Variants in CNTNAP2 observed in about 807,000 individuals in gnomAD.
CNTNAP2 encodes the protein contactin-associated protein-like 2.
A neutral mutation model predicts 155.2 loss-of-function variants in CNTNAP2; 98 were observed. The ratio of observed to expected loss-of-function variants is 0.63; its 90% CI spans 0.54 to 0.75. The LOEUF (loss-of-function observed/expected upper bound fraction) is 0.75, where lower values mean the gene tolerates loss of function less well. Ranked by LOEUF, CNTNAP2 falls within the 30% of genes least tolerant of loss-of-function variation. The pLI, the probability that CNTNAP2 is intolerant of heterozygous loss-of-function variation, is 0.00. For missense variants in CNTNAP2, 1,727 were observed against 1,688.1 expected, an observed-to-expected ratio of 1.02 and a Z score of -0.40; for synonymous variants, 651 against 631.2, an observed-to-expected ratio of 1.03 and a Z score of -0.47.
intron 13 of CNTNAP2, among the ~76,000 whole-genome samples, chr7:147,674,453 A>G (rs1584892928): frequency 6.6e-6 from 1 of 152,292 alleles, no homozygotes; most frequent in East Asian, 1.9e-4. Context: ...AGGCAATGAA[A>G]AGACATATTA....
At chr7:146,810,637 A>T (rs1202832233) in intron 2 of CNTNAP2, among the ~76,000 whole-genome samples, 1 of 151,354 alleles carries the variant, frequency 6.6e-6, no homozygotes, top group East Asian at 1.9e-4. Flanking sequence ...TTTTTTTTTT[A>T]AACCCAACTG....
intron 3 of CNTNAP2, among the ~76,000 whole-genome samples, chr7:146,997,006 T>G (rs562618160): frequency 1.2e-4 from 18 of 152,060 alleles, no homozygotes; most frequent in Non-Finnish European, 2.2e-4. Flanking sequence ...AAGTGACTTT[T>G]ACCTTCCACC....
chr7:148,311,076 T>G (rs1319266490), intron 21 of CNTNAP2, among the ~76,000 whole-genome samples: 1 of 152,080 alleles, frequency 6.6e-6, no homozygotes, highest in Admixed American at 6.5e-5. Flanking sequence ...TAGTTTGTGT[T>G]GTGAGAGGTC....
chr7:147,067,157 G>A (rs1271852086), intron 4 of CNTNAP2, among the ~76,000 whole-genome samples: 1 of 152,086 alleles, frequency 6.6e-6, no homozygotes, highest in Non-Finnish European at 1.5e-5. Context: ...CGGGCATGGT[G>A]GCACACACCT....
intron 1 of CNTNAP2, among the ~76,000 whole-genome samples, chr7:146,340,116 C>T (rs1295102153): frequency 1.1e-4 from 14 of 132,508 alleles, no homozygotes; most frequent in African/African-American, 4.1e-4. Flanking sequence ...TTGCAGTGAG[C>T]GGAGATCGCG....
At chr7:147,398,588 A>AT (rs1796860109) in intron 10 of CNTNAP2, among the ~76,000 whole-genome samples, 14 of 52,084 alleles carry the variant, frequency 2.7e-4, no homozygotes, top group African/African-American at 3.7e-4. Flanking sequence ...TACGATTTGA[A>AT]CTTTTTTTTT....
chr7:146,660,971 GA>G (rs750616579), intron 1 of CNTNAP2, among the ~76,000 whole-genome samples: 9 of 152,310 alleles, frequency 5.9e-5, no homozygotes, highest in Non-Finnish European at 1.0e-4. Flanking sequence ...CAGAGATAAG[GA>G]TGGGAAATGC....
At chr7:146,584,945 C>T (rs1798664669) in intron 1 of CNTNAP2, among the ~76,000 whole-genome samples, 1 of 152,076 alleles carries the variant, frequency 6.6e-6, no homozygotes, top group Admixed American at 6.6e-5. Flanking sequence ...GATGAGGCAT[C>T]AAAGTGACAC....
intron 10 of CNTNAP2, among the ~76,000 whole-genome samples, chr7:147,411,057 C>G (rs758828533): frequency 6.6e-6 from 1 of 152,126 alleles, no homozygotes; most frequent in Non-Finnish European, 1.5e-5. Flanking sequence ...AATGCAGATC[C>G]CCAGAATGTC....
chr7:148,413,192 G>A (rs943757137), intron 23 of CNTNAP2, among the ~76,000 whole-genome samples: 7 of 151,208 alleles, frequency 4.6e-5, no homozygotes, highest in Admixed American at 1.3e-4. Flanking sequence ...AGGAGTTCAG[G>A]ACCAGCCTAG....
intron 15 of CNTNAP2, among the ~76,000 whole-genome samples, chr7:147,988,693 T>C (rs1350291407): frequency 6.6e-6 from 1 of 152,148 alleles, no homozygotes; most frequent in Non-Finnish European, 1.5e-5. Context: ...AACTTGTTAC[T>C]CTCTGCAGAA....
At chr7:146,829,741 C>T (rs1223282615) in intron 2 of CNTNAP2, among the ~76,000 whole-genome samples, 1 of 152,016 alleles carries the variant, frequency 6.6e-6, no homozygotes, top group African/African-American at 2.4e-5. Flanking sequence ...TTAATTTACT[C>T]TTTAACTTTC....
intron 1 of CNTNAP2, among the ~76,000 whole-genome samples, chr7:146,298,820 T>A (rs1487760086): frequency 6.6e-6 from 1 of 152,210 alleles, no homozygotes; most frequent in Admixed American, 6.5e-5. Flanking sequence ...AGAAGAATGA[T>A]GTGTTAATTA....
intron 8 of CNTNAP2, among the ~76,000 whole-genome samples, chr7:147,280,113 A>G (rs1584841742): frequency 1.3e-5 from 2 of 152,046 alleles, no homozygotes. Flanking sequence ...TTGTGTAACC[A>G]TAACTTTTGT....
At chr7:147,864,503 G>A (rs180938283) in intron 13 of CNTNAP2, among the ~76,000 whole-genome samples, 88,295 of 149,532 alleles carry the variant, frequency 0.59, 26,340 homozygotes, top group Middle Eastern at 0.7. Flanking sequence ...CATTGAATCT[G>A]TAAATTACCT....
chr7:147,842,015 C>T (rs74531036), intron 13 of CNTNAP2, among the ~76,000 whole-genome samples: 1 of 133,658 alleles, frequency 7.5e-6, no homozygotes, highest in Admixed American at 7.2e-5. Flanking sequence ...TTATATTGGT[C>T]AAAGTTGCCA....
At chr7:146,283,708 T>C (rs186759568) in intron 1 of CNTNAP2, among the ~76,000 whole-genome samples, 136 of 152,280 alleles carry the variant, frequency 8.9e-4, no homozygotes, top group African/African-American at 3.2e-3. Flanking sequence ...AGAAATAAAT[T>C]AGGAAATAAT....
rs150719996 is a variant in CNTNAP2 at position 148,273,812 on chromosome 7, A to G, written c.3475+6686A>G. On this transcript the variant is annotated intron_variant, in intron 21 of 23. Transcript: ENST00000361727. ...TCCCAAACTACCATTATCCAAAGCA[A>G]TTCCAATAGAAGTGGCTAGTAGCCC... Among the ~76,000 whole-genome samples, 724 of 152,310 alleles carry G rather than the reference A, an allele frequency of 4.8e-3. 11 individuals carry two copies. Among genetic ancestry groups the G allele is most frequent in the African/African-American group, 0.016 (675 of 41,566 alleles).
chr7:146,654,070 C>A lies in CNTNAP2; in HGVS notation c.98-120201C>A, dbSNP rs1490769331. Among the ~76,000 whole-genome samples, 4 of 151,934 alleles carry A rather than the reference C, an allele frequency of 2.6e-5. No homozygotes were observed. In the South Asian group the frequency reaches 8.3e-4, roughly 32 times the overall value. ...TAGAAACTGGGCTTGGTTTGTAAAG[C>A]TGAGGCCCAGGAGAAGCTCTTTTTC... On this transcript the variant is annotated intron_variant, in intron 1 of 23. Coordinates refer to ENST00000361727, the MANE Select transcript of CNTNAP2 (RefSeq NM_014141.6).
Sources: gnomAD v4.1 joint callset for allele counts (sites outside exome capture counted in the v4.1 genomes callset) on GRCh38, gnomAD v4.1.1 for gene constraint, MANE v1.5 for transcripts, NCBI Gene and HGNC (gene_info 2026-07-23, HGNC 2026-07-21) for gene names.